Variants in XXYLT1 observed in about 807,000 individuals in gnomAD.
The protein encoded by XXYLT1 is UDP-xylose:alpha-xyloside alpha-1,3-xylosyltransferase.
A neutral mutation model predicts 28.9 loss-of-function variants in XXYLT1; 20 were observed. The observed-to-expected ratio is 0.69, with a 90% confidence interval of 0.49 to 1.00. The LOEUF is 1.00. Among genes scored for constraint, XXYLT1 ranks in the 50% least tolerant of loss-of-function variants. The pLI is 0.00. For synonymous variants in XXYLT1, 257 were observed against 253.8 expected (o/e 1.01, Z -0.12); for missense variants, 542 against 560.1 (o/e 0.97, Z 0.33).
chr3:195,073,967 G>C (rs958528911), intron 3 of XXYLT1, among the ~76,000 whole-genome samples: 1 of 152,128 alleles, frequency 6.6e-6, no homozygotes, highest in South Asian at 2.1e-4. Context: ...CGAGAGAGCC[G>C]GGCTGGAGAA....
chr3:195,078,011 G>A lies in XXYLT1; in HGVS notation c.786-7900C>T, dbSNP rs1715220325. Among the ~76,000 whole-genome samples, 2 of 152,178 alleles carry A rather than the reference G, an allele frequency of 1.3e-5. No individual in the cohort carries two copies. Among genetic ancestry groups the A allele is most frequent in the South Asian group, 4.1e-4 (2 of 4,830 alleles). On this transcript the variant is annotated intron_variant, in intron 3 of 3. Transcript: ENST00000310380. This position sits in a 1 kb window ranked among gnomAD's most constrained non-coding sequence, Gnocchi z 5.0. ...ATGCAGCCCCGGAGCCTCGGCCCTG[G>A]GAGGGGCAAGGGACAGAGATGAGGG...
At chr3:195,259,555 G>C in intron 1 of XXYLT1, 1 of 985,364 alleles carries the variant, frequency 1.0e-6, no homozygotes, top group African/African-American at 1.7e-5. Flanking sequence ...CCTCCTCCCA[G>C]GGAGAGGCCT....
intron 1 of XXYLT1, among the ~76,000 whole-genome samples, chr3:195,246,262 C>T (rs1342652327): frequency 1.3e-5 from 2 of 152,206 alleles, no homozygotes; most frequent in African/African-American, 4.8e-5. Flanking sequence ...AAGGCTGTCA[C>T]GACTGGAAGA....
intron 2 of XXYLT1, among the ~76,000 whole-genome samples, chr3:195,226,141 C>A (rs1164520204): frequency 6.6e-6 from 1 of 152,152 alleles, no homozygotes; most frequent in Non-Finnish European, 1.5e-5. Flanking sequence ...CATGACCAGA[C>A]CTGCCAGAAA....
chr3:195,265,366 CAA>C (rs746950258), intron 1 of XXYLT1, among the ~76,000 whole-genome samples: 11 of 104,846 alleles, frequency 1.0e-4, no homozygotes, highest in Admixed American at 1.0e-4. Flanking sequence ...GACTCCATCT[CAA>C]AAAAAAAAAA....
chr3:195,234,197 G>A (rs999979501), intron 1 of XXYLT1, among the ~76,000 whole-genome samples: 7 of 151,582 alleles, frequency 4.6e-5, no homozygotes, highest in African/African-American at 1.5e-4. Flanking sequence ...GATTACAGGC[G>A]TGAGCCACTG....
At chr3:195,264,169 T>G (rs1006232987) in intron 1 of XXYLT1, among the ~76,000 whole-genome samples, 6 of 152,240 alleles carry the variant, frequency 3.9e-5, no homozygotes. Flanking sequence ...GTTAAGAGAC[T>G]GCTTGCCCGC....
chr3:195,226,075 A>G (rs1204409926), intron 2 of XXYLT1, among the ~76,000 whole-genome samples: 1 of 152,114 alleles, frequency 6.6e-6, no homozygotes, highest in Admixed American at 6.5e-5. Flanking sequence ...CTGTAGGGAG[A>G]TCCTAGAAAC....
intron 3 of XXYLT1, among the ~76,000 whole-genome samples, chr3:195,090,772 A>ACC (rs1437816873): frequency 3.4e-5 from 5 of 146,610 alleles, no homozygotes; most frequent in African/African-American, 1.3e-4. Flanking sequence ...AAATTGATAG[A>ACC]CCACTAGCAA....
intron 2 of XXYLT1, among the ~76,000 whole-genome samples, chr3:195,164,102 A>G (rs1720999493): frequency 6.6e-6 from 1 of 152,264 alleles, no homozygotes; most frequent in South Asian, 2.1e-4. Flanking sequence ...TGTAAATAAG[A>G]AAGGAAAGAA....
chr3:195,242,188 G>C (rs959973782), intron 1 of XXYLT1, among the ~76,000 whole-genome samples: 2 of 152,166 alleles, frequency 1.3e-5, no homozygotes, highest in Non-Finnish European at 2.9e-5. Context: ...GCAGCACCTG[G>C]GAACTGAGCA....
At chr3:195,098,045 C>T (rs965908953) in intron 3 of XXYLT1, among the ~76,000 whole-genome samples, 10 of 151,924 alleles carry the variant, frequency 6.6e-5, no homozygotes, top group Non-Finnish European at 7.4e-5. Flanking sequence ...CAGAGAGTGG[C>T]GGAGGAGACA....
chr3:195,196,996 C>G (rs1480257577), intron 2 of XXYLT1, among the ~76,000 whole-genome samples: 1 of 152,182 alleles, frequency 6.6e-6, no homozygotes, highest in Non-Finnish European at 1.5e-5. Context: ...GCATAACCAC[C>G]CTGGATAGGA....
chr3:195,138,058 A>G (rs750523587), intron 3 of XXYLT1, among the ~76,000 whole-genome samples: 1 of 152,206 alleles, frequency 6.6e-6, no homozygotes, highest in Non-Finnish European at 1.5e-5. Flanking sequence ...TGTTTCGCAA[A>G]GTCATTTGGC....
intron 1 of XXYLT1, among the ~76,000 whole-genome samples, chr3:195,236,404 A>G (rs965422574): frequency 2.0e-4 from 31 of 152,128 alleles, no homozygotes; most frequent in African/African-American, 7.0e-4. Context: ...GAGTGCTGCC[A>G]GAGCGCCACC....
chr3:195,155,791 T>C (rs1720555906), intron 3 of XXYLT1, among the ~76,000 whole-genome samples: 1 of 152,214 alleles, frequency 6.6e-6, no homozygotes, highest in South Asian at 2.1e-4. Flanking sequence ...CGTTCCCTTT[T>C]TTGCTGTTGC....
intron 3 of XXYLT1, among the ~76,000 whole-genome samples, chr3:195,112,823 A>G (rs1055558327): frequency 2.0e-5 from 3 of 149,140 alleles, no homozygotes; most frequent in African/African-American, 7.5e-5. Context: ...GAACAGCTGA[A>G]GCAGCGCACA....
At position 195,078,760 on chromosome 3, in the gene XXYLT1, G is replaced by A. The variant is rs114239051; in HGVS notation, c.786-8649C>T. On this transcript the variant is annotated intron_variant, in intron 3 of 3. Coordinates refer to ENST00000310380, the MANE Select transcript of XXYLT1 (RefSeq NM_152531.5). The surrounding 1 kb of genome is among the most constrained non-coding windows in gnomAD (Gnocchi z 5.0). ...CACAGCCCCCCACACTTCCAGAGCT[G>A]TCCTCCCCACCTCCCATCGCACCAT... 0.022 allele frequency among the ~76,000 whole-genome samples: 3,308 copies of A among 152,110 alleles called. 109 individuals carry two copies. Among genetic ancestry groups the A allele is most frequent in the African/African-American group, 0.073 (3,042 of 41,476 alleles).
intron 2 of XXYLT1, among the ~76,000 whole-genome samples, chr3:195,185,318 G>A (rs749244405): frequency 6.6e-5 from 10 of 152,062 alleles, no homozygotes; most frequent in Non-Finnish European, 1.5e-4. Flanking sequence ...TTCCATCGTG[G>A]TCATCTGATT....
Sources: gnomAD v4.1 joint callset for allele counts (sites outside exome capture counted in the v4.1 genomes callset) on GRCh38, gnomAD v4.1.1 for gene constraint, Gnocchi (gnomAD v3.1) non-coding constraint, MANE v1.5 for transcripts, NCBI Gene and HGNC (gene_info 2026-07-23, HGNC 2026-07-21) for gene names.